Variants in DCDC1 observed in about 807,000 individuals in gnomAD.
DCDC1 encodes doublecortin domain containing 1.
In DCDC1, 200 loss-of-function variants were observed where a neutral mutation model predicts 178.3. The observed-to-expected ratio is 1.12, with a 90% CI of 1.00 to 1.26. The LOEUF is 1.26. DCDC1 is among the 50% of genes most tolerant of loss of function. The pLI is 0.00. For synonymous variants in DCDC1, 690 were observed against 604.8 expected, an observed-to-expected ratio of 1.14 and a Z score of -2.07; for missense variants, 1,983 against 1,749.2, an observed-to-expected ratio of 1.13 and a Z score of -2.38.
At chr11:31,044,647 A>G (rs1954707379) in intron 20 of DCDC1, among the ~76,000 whole-genome samples, 2 of 152,210 alleles carry the variant, frequency 1.3e-5, no homozygotes, top group Admixed American at 1.3e-4. Context: ...ACTACGAACA[A>G]TTGAATTTGA....
chr11:31,282,625 G>C (rs1412079371), intron 7 of DCDC1, among the ~76,000 whole-genome samples: 3 of 151,934 alleles, frequency 2.0e-5, no homozygotes, highest in Non-Finnish European at 4.4e-5. Flanking sequence ...AAGCAGCAAA[G>C]GGTCTATAAA....
chr11:31,248,503 A>C (rs1020208201), intron 8 of DCDC1, among the ~76,000 whole-genome samples: 4 of 152,054 alleles, frequency 2.6e-5, no homozygotes, highest in African/African-American at 9.6e-5. Flanking sequence ...TTAAGACTCA[A>C]AGTAGGAATA....
intron 9 of DCDC1, among the ~76,000 whole-genome samples, chr11:31,167,386 T>C (rs191076362): frequency 6.6e-6 from 1 of 152,302 alleles, no homozygotes; most frequent in Non-Finnish European, 1.5e-5. Flanking sequence ...ACTTTTCATT[T>C]GTCAGGTATT....
intron 20 of DCDC1, among the ~76,000 whole-genome samples, chr11:31,004,942 C>A (rs1951759897): frequency 6.6e-6 from 1 of 152,058 alleles, no homozygotes; most frequent in South Asian, 2.1e-4. Context: ...TTTCTAGAAA[C>A]TATTAACATA....
At chr11:31,204,832 C>A (rs1971691549) in intron 9 of DCDC1, among the ~76,000 whole-genome samples, 1 of 152,058 alleles carries the variant, frequency 6.6e-6, no homozygotes, top group African/African-American at 2.4e-5. Context: ...AAAAACAAAA[C>A]AAAACAAGCA....
At chr11:31,276,688 T>C (rs913889896) in intron 7 of DCDC1, among the ~76,000 whole-genome samples, 2 of 152,192 alleles carry the variant, frequency 1.3e-5, no homozygotes, top group African/African-American at 4.8e-5. Context: ...GGTACTTTTC[T>C]GAATAAAATC....
At chr11:31,100,215 C>A (rs1380741950) in intron 15 of DCDC1, among the ~76,000 whole-genome samples, 2 of 152,114 alleles carry the variant, frequency 1.3e-5, no homozygotes, top group African/African-American at 4.8e-5. Flanking sequence ...GGCTAACAGA[C>A]AAAGACCATA....
intron 15 of DCDC1, among the ~76,000 whole-genome samples, chr11:31,101,587 G>A (rs1038494073): frequency 6.6e-6 from 1 of 152,184 alleles, no homozygotes; most frequent in South Asian, 2.1e-4. Context: ...GCTATTAACA[G>A]TACAAAGAAA....
intron 20 of DCDC1, among the ~76,000 whole-genome samples, chr11:30,956,208 GT>G (rs914686573): frequency 9.2e-5 from 14 of 151,984 alleles, no homozygotes; most frequent in Non-Finnish European, 1.3e-4. Flanking sequence ...AATGATACCA[GT>G]TTTTTTTATT....
intron 37 of DCDC1, 85 bp downstream of exon 37, chr11:30,881,073 T>C (rs1186697303): frequency 7.7e-6 from 11 of 1,436,524 alleles, no homozygotes; most frequent in Admixed American, 2.2e-5. Context: ...TAAAAATCAT[T>C]GTGATGGGAT....
rs553035235 is a variant in DCDC1 at position 31,056,924 on chromosome 11, C to T, written c.2591+7545G>A. 4.6e-5 allele frequency among the ~76,000 whole-genome samples: 7 copies of T among 152,026 alleles called. No individual in the cohort carries two copies. The South Asian group carries it at 1.2e-3, about 27-fold the overall frequency. ...TAAAAATGTGTATATGGTAGATGGG[C>T]CATAAAGAAATCTCAACAAATTTCA... On this transcript the variant is annotated intron_variant, in intron 20 of 38. Coordinates refer to ENST00000684477, the MANE Select transcript of DCDC1 (RefSeq NM_001387274.1).
intron 38 of DCDC1, among the ~76,000 whole-genome samples, chr11:30,873,912 A>G (rs1702919261): frequency 6.6e-6 from 1 of 152,196 alleles, no homozygotes; most frequent in Non-Finnish European, 1.5e-5. Flanking sequence ...CTTAATGAAC[A>G]TGGAAAGCTT....
intron 1 of DCDC1, among the ~76,000 whole-genome samples, chr11:31,361,321 C>A (rs552197929): frequency 6.6e-6 from 1 of 152,154 alleles, no homozygotes; most frequent in Admixed American, 6.5e-5. Flanking sequence ...ACAGATAAAA[C>A]CAGAGCAAAA....
intron 9 of DCDC1, among the ~76,000 whole-genome samples, chr11:31,153,792 A>G (rs998618399): frequency 4.7e-5 from 7 of 148,508 alleles, no homozygotes; most frequent in Admixed American, 2.0e-4. Context: ...TAAAACACAC[A>G]CACACACACA....
chr11:30,943,499 G>A, intron 21 of DCDC1: 2 of 344,218 alleles, frequency 5.8e-6, no homozygotes, highest in Non-Finnish European at 1.1e-5. Flanking sequence ...CTATCCAACA[G>A]CTCATTCCAA....
At chr11:31,228,006 T>C (rs1591479135) in intron 9 of DCDC1, among the ~76,000 whole-genome samples, 3 of 152,130 alleles carry the variant, frequency 2.0e-5, no homozygotes, top group East Asian at 1.9e-4. Context: ...AAAATATATT[T>C]AGAAAACATT....
At chr11:31,201,291 T>C (rs1404927478) in intron 9 of DCDC1, among the ~76,000 whole-genome samples, 1 of 151,644 alleles carries the variant, frequency 6.6e-6, no homozygotes. Flanking sequence ...TATCATTAAA[T>C]TAAAATTAAC....
intron 9 of DCDC1, among the ~76,000 whole-genome samples, chr11:31,241,090 CT>C (rs1209382847): frequency 2.6e-5 from 4 of 151,892 alleles, no homozygotes; most frequent in African/African-American, 9.7e-5. Context: ...TGATTTTATG[CT>C]GGAAAAAAAT....
At chr11:30,876,447 C>A (rs1942126835) in intron 38 of DCDC1, among the ~76,000 whole-genome samples, 1 of 152,170 alleles carries the variant, frequency 6.6e-6, no homozygotes, top group South Asian at 2.1e-4. Flanking sequence ...TGGCTATGAA[C>A]TACCAAGATA....
Sources: gnomAD v4.1 joint callset for allele counts (sites outside exome capture counted in the v4.1 genomes callset) on GRCh38, gnomAD v4.1.1 for gene constraint, MANE v1.5 for transcripts, NCBI Gene and HGNC (gene_info 2026-07-23, HGNC 2026-07-21) for gene names.